TARBP1: variants seen among roughly 807,000 people sequenced by gnomAD.
TARBP1 encodes the protein tRNA (guanosine(18)-2'-O)-methyltransferase TARBP1.
TARBP1 carries 144 observed loss-of-function variants against 178.6 expected under a neutral mutation model. The observed-to-expected ratio is 0.81, with a 90% CI of 0.70 to 0.93. The LOEUF (loss-of-function observed/expected upper bound fraction) is 0.93. TARBP1 is among the 40% of genes least tolerant of loss of function. The probability of loss-of-function intolerance (pLI) is 0.00; values close to 1 mark genes in which losing one functional copy is unlikely to be tolerated. For synonymous variants in TARBP1, 787 were observed against 781.0 expected (o/e 1.01, Z -0.13); for missense variants, 2,067 against 2,011.7 (o/e 1.03, Z -0.53).
intron 1 of TARBP1, among the ~76,000 whole-genome samples, chr1:234,475,605 G>A (rs1434495691): frequency 2.0e-5 from 3 of 152,226 alleles, no homozygotes; most frequent in Non-Finnish European, 4.4e-5. Context: ...TGGAGGCAAC[G>A]ATTATTGCCA....
At chr1:234,420,897 A>T in intron 20 of TARBP1, 85 bp from the exon 21 acceptor site, 1 of 829,854 alleles carries the variant, frequency 1.2e-6, no homozygotes, top group Non-Finnish European at 1.9e-6. Flanking sequence ...CTTGAAATGT[A>T]AGTGGCTTAA....
At chr1:234,456,389 C>T (rs920365264) in intron 9 of TARBP1, among the ~76,000 whole-genome samples, 7 of 152,254 alleles carry the variant, frequency 4.6e-5, no homozygotes, top group East Asian at 3.9e-4. Flanking sequence ...TTAGTAGAGA[C>T]GGGGTTTCGC....
At chr1:234,413,911 A>G (rs1272359979) in intron 22 of TARBP1, among the ~76,000 whole-genome samples, 1 of 152,196 alleles carries the variant, frequency 6.6e-6, no homozygotes, top group Non-Finnish European at 1.5e-5. Flanking sequence ...GACACAGAGC[A>G]TGGAAAGTGT....
In TARBP1 at chr1:234,423,097, G is replaced by A. The variant is rs1313488311; in HGVS notation, c.3445-2285C>T. On this transcript the variant is annotated intron_variant, in intron 20 of 29. Coordinates refer to ENST00000040877, the MANE Select transcript of TARBP1 (RefSeq NM_005646.4). ...CAGGGATGCTGACGCTGCTGATCCAGAGACCACACTTTAAGAATTACTGCT... is the reference window on the plus strand; with the variant it reads ...CAGGGATGCTGACGCTGCTGATCCAAAGACCACACTTTAAGAATTACTGCT... Among the ~76,000 whole-genome samples the A allele has an allele frequency of 3.9e-5, 6 of 152,330 alleles. No individual in the cohort carries two copies. The East Asian group carries it at 9.6e-4, about 24-fold the overall frequency.
intron 21 of TARBP1, 146 bp downstream of exon 21, chr1:234,420,556 T>C (rs1662969738): frequency 2.1e-6 from 1 of 474,636 alleles, no homozygotes; most frequent in South Asian, 6.3e-5. Context: ...ATAAAAACTT[T>C]TGAATAACTT....
In TARBP1 at chr1:234,451,625, T is replaced by C. The variant is rs1276248650; in HGVS notation, c.1723-1059A>G. On this transcript the variant is annotated intron_variant, in intron 9 of 29. Transcript: ENST00000040877. ...TTAGCCGGGCGTAGTGGCGGGCGCCTGTAGTCCCAGCTACTTGGGAGGCTG... is the reference window on the plus strand; with the variant it reads ...TTAGCCGGGCGTAGTGGCGGGCGCCCGTAGTCCCAGCTACTTGGGAGGCTG... 1.1e-4 allele frequency among the ~76,000 whole-genome samples: 8 copies of C among 76,020 alleles called. 1 individual carries two copies. The South Asian group carries it at 3.3e-3, about 31-fold the overall frequency. The allele number at this position is 76,020 out of a possible 152,430, so 49.9% of individuals were successfully genotyped here. A position where few individuals can be genotyped will look rare whatever the true frequency, so the allele number is the denominator to read the frequency against.
intron 22 of TARBP1, among the ~76,000 whole-genome samples, chr1:234,416,076 G>A (rs1277034813): frequency 6.6e-6 from 1 of 152,212 alleles, no homozygotes. Flanking sequence ...GTAACAACTG[G>A]CACTACTGTG....
intron 9 of TARBP1, among the ~76,000 whole-genome samples, chr1:234,456,365 T>C (rs1667287098): frequency 6.6e-6 from 1 of 152,202 alleles, no homozygotes. Context: ...CATGCCCCGA[T>C]AATTTTTGTA....
chr1:234,441,276 G>A (rs1030895286), intron 12 of TARBP1, among the ~76,000 whole-genome samples: 2 of 152,270 alleles, frequency 1.3e-5, no homozygotes, highest in Admixed American at 6.5e-5. Context: ...TGCATTTAAT[G>A]CAATTCCAGT....
Position 234,478,245 on chromosome 1 carries a change from G to A in TARBP1, c.859C>T (p.Leu287=), listed in dbSNP as rs758928644. The A allele has an allele frequency of 1.6e-5, 25 of 1,610,108 alleles. No individual in the cohort carries two copies. Among genetic ancestry groups the A allele is most frequent in the Non-Finnish European group, 1.9e-5 (22 of 1,179,070 alleles). Residue 287 remains leucine, a synonymous_variant, in exon 1 of 30, where the codon CTG becomes TTG. Coordinates refer to ENST00000040877, the MANE Select transcript of TARBP1 (RefSeq NM_005646.4). The part of the protein sequence containing the change: ...DALTRKRARY[L]LQRAVEVSAE... ...GACACCTCCACCGCCCTCTGCAGCA[G>A]GTAGCGCGCTCGCTTGCGCGTCAGG... is the stretch of plus-strand genomic sequence containing the variant.
chr1:234,425,809 G>T lies in TARBP1; in HGVS notation c.3324-16C>A, dbSNP rs760931013. On this transcript the variant is annotated splice_polypyrimidine_tract_variant and intron_variant, in intron 19 of 29. Coordinates refer to ENST00000040877, the MANE Select transcript of TARBP1 (RefSeq NM_005646.4). ...TCTCTTAGTACTAAAAAAATTAAATGATAAATTATGTTAATACATTTTGAA... is the reference window on the plus strand; with the variant it reads ...TCTCTTAGTACTAAAAAAATTAAATTATAAATTATGTTAATACATTTTGAA... 6.7e-7 allele frequency: 1 copy of T among 1,501,858 alleles called. No individual in the cohort carries two copies. 93.0% of individuals were successfully genotyped at this position (1,501,858 alleles called of 1,614,324 possible).
At chr1:234,473,212 A>G (rs1354659465) in intron 1 of TARBP1, among the ~76,000 whole-genome samples, 5 of 152,220 alleles carry the variant, frequency 3.3e-5, no homozygotes, top group Non-Finnish European at 7.3e-5. Flanking sequence ...TTAAGTTGAC[A>G]AAGGGAAAGC....
At chr1:234,458,472 C>A (rs568560148) in intron 8 of TARBP1, among the ~76,000 whole-genome samples, 1 of 152,308 alleles carries the variant, frequency 6.6e-6, no homozygotes, top group African/African-American at 2.4e-5. Flanking sequence ...CTAGGCCAGG[C>A]ATTGGCAAAA....
intron 22 of TARBP1, among the ~76,000 whole-genome samples, chr1:234,416,928 C>T (rs995624393): frequency 4.6e-5 from 7 of 152,132 alleles, no homozygotes; most frequent in Non-Finnish European, 8.8e-5. Context: ...AGCAGACAGG[C>T]TAACCAGCGA....
Position 234,450,569 on chromosome 1 carries a change from G to A in TARBP1, c.1723-3C>T. 4 of 1,605,660 alleles carry A rather than the reference G, an allele frequency of 2.5e-6. No individual in the cohort carries two copies. The highest frequency in any genetic ancestry group is 4.5e-5 in the East Asian group (2 of 44,416). ...TTAACACGTAGCCAGTCACACAGCT[G>A]GAAAAGAAAACAGTTATTACTTTAT... On this transcript the variant is annotated splice_polypyrimidine_tract_variant and splice_region_variant and intron_variant, in intron 9 of 29. Transcript: ENST00000040877.
intron 9 of TARBP1, among the ~76,000 whole-genome samples, chr1:234,455,090 G>T (rs942224676): frequency 6.6e-6 from 1 of 152,146 alleles, no homozygotes; most frequent in African/African-American, 2.4e-5. Context: ...ATGAGGAAGT[G>T]GACTCGCCCC....
At chr1:234,428,747 C>T (rs989149885) in intron 17 of TARBP1, among the ~76,000 whole-genome samples, 1 of 152,102 alleles carries the variant, frequency 6.6e-6, no homozygotes, top group Admixed American at 6.6e-5. Flanking sequence ...GGTTTTGCCA[C>T]GTTGGCCAGG....
At chr1:234,461,715 A>G (rs1667879434) in intron 6 of TARBP1, among the ~76,000 whole-genome samples, 1 of 152,246 alleles carries the variant, frequency 6.6e-6, no homozygotes, top group Non-Finnish European at 1.5e-5. Flanking sequence ...ATATGCAAAC[A>G]GTAACATCTT....
At chr1:234,404,282 C>T (rs1331335701) in intron 24 of TARBP1, among the ~76,000 whole-genome samples, 3 of 152,114 alleles carry the variant, frequency 2.0e-5, no homozygotes, top group African/African-American at 7.2e-5. Flanking sequence ...TAAGGAAGGG[C>T]TGAAAGTCTA....
Sources: allele counts gnomAD v4.1 joint callset (sites outside exome capture counted in the v4.1 genomes callset), GRCh38; gene constraint gnomAD v4.1.1; transcripts MANE v1.5; gene names NCBI Gene and HGNC (gene_info 2026-07-23, HGNC 2026-07-21).